HDAC11: variants seen among roughly 807,000 people sequenced by gnomAD.
HDAC11 encodes the protein histone deacetylase 11.
Under a neutral mutation model 41.1 loss-of-function variants are expected in HDAC11, and 23 were observed. The observed-to-expected ratio is 0.56, with a 90% confidence interval of 0.40 to 0.79. The LOEUF is 0.79. Among genes scored for constraint, HDAC11 ranks in the 30% least tolerant of loss-of-function variants. The pLI is 0.00. For missense variants in HDAC11, 402 were observed against 477.3 expected (o/e 0.84, Z 1.47); for synonymous variants, 187 against 186.6 (o/e 1.00, Z -0.02).
At chr3:13,504,053 C>T in intron 8 of HDAC11, 41 bp from the exon 9 acceptor site, 4 of 1,588,128 alleles carry the variant, frequency 2.5e-6, no homozygotes, top group Non-Finnish European at 3.4e-6. Context: ...GCCTCAGTTT[C>T]CCTTCTCTAT....
At chr3:13,496,683 G>C in intron 3 of HDAC11, 53 bp from the exon 4 acceptor site, 1 of 1,200,114 alleles carries the variant, frequency 8.3e-7, no homozygotes, top group Admixed American at 2.0e-5. Context: ...ATTTCTCACG[G>C]GTTGCCTCAG....
chr3:13,504,770 C>T lies in HDAC11; in HGVS notation c.*87C>T. On this transcript the variant is annotated 3_prime_UTR_variant, in exon 10 of 10. Transcript: ENST00000295757. ...TAACCTCATGGGGTGGTGGAGGCAG[C>T]CTTCAGTGAGCATGGAGGGGCAGGG... 1 of 1,193,456 alleles carries T rather than the reference C, an allele frequency of 8.4e-7. No individual in the cohort carries two copies. The highest frequency in any genetic ancestry group is 1.2e-6 in the Non-Finnish European group (1 of 826,344). The allele number at this position is 1,193,456 out of a possible 1,614,324, so 73.9% of individuals were successfully genotyped here.
chr3:13,488,615 T>A (rs1701705629), intron 3 of HDAC11, among the ~76,000 whole-genome samples: 1 of 152,272 alleles, frequency 6.6e-6, no homozygotes, highest in African/African-American at 2.4e-5. Flanking sequence ...TCATTCCTTT[T>A]CACAGCAGAA....
Position 13,502,806 on chromosome 3 carries a change from T to G in HDAC11, c.553-78T>G. The G allele has an allele frequency of 8.9e-7, 1 of 1,118,372 alleles. No individual in the cohort carries two copies. The allele number at this position is 1,118,372 out of a possible 1,614,324, so 69.3% of individuals were successfully genotyped here. Reference sequence around the variant, plus strand: ...CTGCCCTGGCAAATGGGGAGTTTCCTGAGGGGTGGGTGGGTGGCAGAGCCC... The same window carrying G: ...CTGCCCTGGCAAATGGGGAGTTTCCGGAGGGGTGGGTGGGTGGCAGAGCCC... On this transcript the variant is annotated intron_variant, in intron 7 of 9. Coordinates refer to ENST00000295757, the MANE Select transcript of HDAC11 (RefSeq NM_024827.4). The surrounding 1 kb of genome is among the most constrained non-coding windows in gnomAD (Gnocchi z 4.1).
chr3:13,505,386 G>C lies in HDAC11; in HGVS notation c.*703G>C, dbSNP rs1328473585. On this transcript the variant is annotated 3_prime_UTR_variant, in exon 10 of 10. Coordinates refer to ENST00000295757, the MANE Select transcript of HDAC11 (RefSeq NM_024827.4). ...AGGTGGGGAAGGCCTGCGGCGCCCA[G>C]ATCACTGCCTTAGCAGTAGTCTTGC... is the stretch of plus-strand genomic sequence containing the variant. 6.4e-6 allele frequency: 1 copy of C among 155,480 alleles called. No individual in the cohort carries two copies. Among genetic ancestry groups the C allele is most frequent in the Non-Finnish European group, 1.4e-5 (1 of 70,202 alleles). 9.6% of individuals were successfully genotyped at this position (155,480 alleles called of 1,614,324 possible).
chr3:13,498,648 T>A (rs1268603925), intron 5 of HDAC11, 93 bp downstream of exon 5: 1 of 1,310,096 alleles, frequency 7.6e-7, no homozygotes, highest in Non-Finnish European at 1.1e-6. Flanking sequence ...ATCCTGGAGG[T>A]GGCAGCTGTG....
Position 13,497,854 on chromosome 3 carries a change from C to CTTTTTTTTT in HDAC11, c.370-648_370-640dup, listed in dbSNP as rs10667297. Among the ~76,000 whole-genome samples, 2 of 106,080 alleles carry CTTTTTTTTT rather than the reference C, an allele frequency of 1.9e-5. 1 individual carries two copies. The allele number at this position is 106,080 out of a possible 152,430, so 69.6% of individuals were successfully genotyped here. ...TTAGTCTACTATATTTCTTTTTTTG[C>CTTTTTTTTT]TTTTTTTTTTTTTTTTTTTGAGACA... On this transcript the variant is annotated intron_variant, in intron 4 of 9. Coordinates refer to ENST00000295757, the MANE Select transcript of HDAC11 (RefSeq NM_024827.4).
intron 3 of HDAC11, among the ~76,000 whole-genome samples, chr3:13,484,889 T>C (rs1190912734): frequency 6.6e-6 from 1 of 152,088 alleles, no homozygotes; most frequent in Non-Finnish European, 1.5e-5. Flanking sequence ...GGGGCTTGCA[T>C]TGGAATCTGG....
chr3:13,490,754 T>C (rs1428416001), intron 3 of HDAC11, among the ~76,000 whole-genome samples: 26 of 134,744 alleles, frequency 1.9e-4, no homozygotes, highest in South Asian at 1.7e-3. Context: ...CTTTTTTTTT[T>C]TTTTTTTTTT....
chr3:13,480,754 C>T lies in HDAC11; in HGVS notation c.2+405C>T, dbSNP rs1471522404. 4.2e-6 allele frequency: 2 copies of T among 473,952 alleles called. No individual in the cohort carries two copies. Among genetic ancestry groups the T allele is most frequent in the East Asian group, 7.0e-5 (1 of 14,352 alleles). The allele number at this position is 473,952 out of a possible 1,614,324, so 29.4% of individuals were successfully genotyped here. On this transcript the variant is annotated intron_variant, in intron 1 of 9. Transcript: ENST00000295757. The surrounding 1 kb of genome is among the most constrained non-coding windows in gnomAD (Gnocchi z 4.6). ...CAGCGCAGCGGGGTCAGGGGATCCC[C>T]GCCCCCCGCCCTGGCTCAGGTTGGG...
rs1180639038 is a variant in HDAC11 at position 13,496,801 on chromosome 3, G to A, written c.318G>A (p.Val106=). The A allele has an allele frequency of 6.2e-7, 1 of 1,604,092 alleles. No homozygotes were observed. Among genetic ancestry groups the A allele is most frequent in the South Asian group, 1.1e-5 (1 of 90,204 alleles). The change falls in exon 4 of 10, where the codon GTG becomes GTA. Residue 106 remains valine, a synonymous_variant. Transcript: ENST00000295757. The part of the protein sequence containing the change: ...PPVIFLPNFL[V]QRKVLRPLRT... Reference sequence around the variant, plus strand: ...TTATCTTCCTCCCCAACTTCCTTGTGCAGAGGAAGGTGCTGAGGCCCCTTC... The same window carrying A: ...TTATCTTCCTCCCCAACTTCCTTGTACAGAGGAAGGTGCTGAGGCCCCTTC...
At chr3:13,498,460 A>T in intron 4 of HDAC11, 53 bp from the exon 5 acceptor site, 1 of 1,608,538 alleles carries the variant, frequency 6.2e-7, no homozygotes, top group South Asian at 1.1e-5. Context: ...CAGTGAATGA[A>T]TGACTGGTGG....
chr3:13,494,455 C>T (rs1173808295), intron 3 of HDAC11, among the ~76,000 whole-genome samples: 1 of 152,222 alleles, frequency 6.6e-6, no homozygotes, highest in South Asian at 2.1e-4. Flanking sequence ...CACACGCACA[C>T]GGACATACCT....
At chr3:13,484,321 T>C (rs1701462145) in intron 3 of HDAC11, among the ~76,000 whole-genome samples, 1 of 152,190 alleles carries the variant, frequency 6.6e-6, no homozygotes, top group Admixed American at 6.5e-5. Flanking sequence ...TGCTGAAGTT[T>C]TGTTGAAAAT....
chr3:13,494,137 C>T (rs1701983682), intron 3 of HDAC11, among the ~76,000 whole-genome samples: 1 of 152,206 alleles, frequency 6.6e-6, no homozygotes, highest in Admixed American at 6.5e-5. Context: ...TGTGCGAGAC[C>T]CGTGGCTGTG....
chr3:13,504,697 G>T lies in HDAC11; in HGVS notation c.*14G>T, dbSNP rs753377216. On this transcript the variant is annotated 3_prime_UTR_variant, in exon 10 of 10. Coordinates refer to ENST00000295757, the MANE Select transcript of HDAC11 (RefSeq NM_024827.4). ...GCAGTGCCCTGACCCTTGCTGCCCT[G>T]CCTGTCACGTGGCCCTGCCTATCCG... 1 of 1,608,474 alleles carries T rather than the reference G, an allele frequency of 6.2e-7. No individual in the cohort carries two copies. The highest frequency in any genetic ancestry group is 1.1e-5 in the South Asian group (1 of 90,978).
Position 13,481,393 on chromosome 3 carries a change from A to G in HDAC11, c.150A>G (p.Lys50=). 1.9e-6 allele frequency: 3 copies of G among 1,613,956 alleles called. No homozygotes were observed. Among genetic ancestry groups the G allele is most frequent in the Non-Finnish European group, 2.5e-6 (3 of 1,179,918 alleles). The change falls in exon 2 of 10, where the codon AAA becomes AAG. Residue 50 remains lysine (K), a splice_region_variant and synonymous_variant. Transcript: ENST00000295757. ...GGGGCAAAGTGATCAATTTCCTAAA[A>G]GGTATGGAAGGTCCCCCTTGGACTC... ...GKWGKVINFL[K]EEKLLSDSML... is the part of the protein sequence containing the mutation.
intron 3 of HDAC11, among the ~76,000 whole-genome samples, chr3:13,486,610 G>A (rs150704573): frequency 0.012 from 1,453 of 119,218 alleles, 31 homozygotes; most frequent in African/African-American, 0.047. Flanking sequence ...AAGGAATCTC[G>A]CTTTGTTGCC....
chr3:13,504,824 C>T lies in HDAC11; in HGVS notation c.*141C>T. ...TCCCTGGCTGGGGCCTGGAGCTGGCCCTTCCTCTACTTTTCCCTGCTGGAA... is the reference window on the plus strand; with the variant it reads ...TCCCTGGCTGGGGCCTGGAGCTGGCTCTTCCTCTACTTTTCCCTGCTGGAA... On this transcript the variant is annotated 3_prime_UTR_variant, in exon 10 of 10. Coordinates refer to ENST00000295757, the MANE Select transcript of HDAC11 (RefSeq NM_024827.4). 1 of 744,498 alleles carries T rather than the reference C, an allele frequency of 1.3e-6. No homozygotes were observed. The highest frequency in any genetic ancestry group is 2.2e-6 in the Non-Finnish European group (1 of 451,572). 46.1% of individuals were successfully genotyped at this position (744,498 alleles called of 1,614,324 possible).
Sources: allele counts gnomAD v4.1 joint callset (sites outside exome capture counted in the v4.1 genomes callset), GRCh38; gene constraint gnomAD v4.1.1; non-coding constraint Gnocchi (gnomAD v3.1); transcripts MANE v1.5; gene names NCBI Gene and HGNC (gene_info 2026-07-23, HGNC 2026-07-21).